AOPEP: variants seen among roughly 807,000 people sequenced by gnomAD.
The protein encoded by AOPEP is aminopeptidase O.
AOPEP carries 77 observed loss-of-function variants against 98.1 expected under a neutral mutation model. The ratio of observed to expected loss-of-function variants is 0.78; its 90% CI spans 0.65 to 0.95. The LOEUF is 0.95. Ranked by LOEUF, AOPEP falls within the 40% of genes least tolerant of loss-of-function variation. AOPEP has a pLI of 0.00. For missense variants in AOPEP, 1,024 were observed against 1,024.7 expected (o/e 1.00, Z 0.01); for synonymous variants, 346 against 365.3 (o/e 0.95, Z 0.60).
chr9:95,105,064 G>C, the AOPEP span, among the ~76,000 whole-genome samples: 1 of 152,236 alleles, frequency 6.6e-6, no homozygotes, highest in East Asian at 1.9e-4. Context: ...TCGCTGTGCT[G>C]GGGCCGGGCC....
At chr9:94,798,336 G>A (rs976496188) in intron 4 of AOPEP, among the ~76,000 whole-genome samples, 8 of 152,174 alleles carry the variant, frequency 5.3e-5, no homozygotes, top group African/African-American at 1.9e-4. Flanking sequence ...CATCATCTGA[G>A]CTAGTGCCTT....
intron 7 of AOPEP, among the ~76,000 whole-genome samples, chr9:94,940,872 A>T (rs2056939580): frequency 6.6e-6 from 1 of 152,028 alleles, no homozygotes; most frequent in Admixed American, 6.6e-5. Flanking sequence ...CCTGGGGACC[A>T]CACAAGGCAT....
At chr9:94,879,108 A>G (rs1186360574) in intron 5 of AOPEP, among the ~76,000 whole-genome samples, 1 of 152,210 alleles carries the variant, frequency 6.6e-6, no homozygotes, top group African/African-American at 2.4e-5. Context: ...AAATATCTCA[A>G]GCACTGATCT....
At chr9:95,009,465 C>CTA (rs138427903) in intron 13 of AOPEP, among the ~76,000 whole-genome samples, 2 of 152,016 alleles carry the variant, frequency 1.3e-5, no homozygotes, top group African/African-American at 4.8e-5. Flanking sequence ...CCTTCCTAGT[C>CTA]TATATATATA....
intron 5 of AOPEP, among the ~76,000 whole-genome samples, chr9:94,908,004 G>T (rs1053265637): frequency 9.2e-5 from 14 of 152,136 alleles, no homozygotes; most frequent in African/African-American, 3.4e-4. Context: ...CCTGAGAGGG[G>T]AAGTATAAGA....
intron 13 of AOPEP, among the ~76,000 whole-genome samples, chr9:95,014,993 G>A (rs2062860590): frequency 6.6e-6 from 1 of 152,128 alleles, no homozygotes; most frequent in African/African-American, 2.4e-5. Context: ...CAAACACACA[G>A]CATATCAAAG....
chr9:94,759,801 C>A lies in AOPEP; in HGVS notation c.18C>A (p.Asp6Glu), dbSNP rs1481249579. MDIQL[D>E]PARDDLPLMA... ...ACCACATCATGGACATACAGCTGGA[C>A]CCTGCCAGAGATGACCTGCCTCTCA... The change falls in exon 2 of 17, where the codon GAC becomes GAA. Residue 6 changes from aspartate (D) to glutamate (E), a missense_variant. By Grantham distance (45) the Asp-to-Glu change is conservative. Transcript: ENST00000375315. 2 of 1,613,746 alleles carry A rather than the reference C, an allele frequency of 1.2e-6. No homozygotes were observed. Among genetic ancestry groups the A allele is most frequent in the East Asian group, 4.5e-5 (2 of 44,892 alleles).
intron 6 of AOPEP, 151 bp from the exon 7 acceptor site, chr9:94,928,274 G>C (rs1250443877): frequency 3.3e-6 from 2 of 609,048 alleles, no homozygotes; most frequent in Non-Finnish European, 2.9e-6. Context: ...GCACTAAGAG[G>C]CTCCAGTGGC....
intron 5 of AOPEP, among the ~76,000 whole-genome samples, chr9:94,822,290 G>A (rs1453970109): frequency 1.3e-5 from 2 of 152,190 alleles, no homozygotes; most frequent in Admixed American, 6.5e-5. Context: ...ATTTTGTTGT[G>A]CTTTCAAATG....
chr9:95,045,140 G>T (rs1276583739), intron 13 of AOPEP, among the ~76,000 whole-genome samples: 1 of 152,246 alleles, frequency 6.6e-6, no homozygotes, highest in African/African-American at 2.4e-5. Flanking sequence ...GGCAGGATTA[G>T]ACCCTGGTCC....
At chr9:94,873,428 CTTA>C (rs1176302389) in intron 5 of AOPEP, among the ~76,000 whole-genome samples, 1 of 149,554 alleles carries the variant, frequency 6.7e-6, no homozygotes, top group Non-Finnish European at 1.5e-5. Context: ...TGGTCCTTAT[CTTA>C]TTATGTTGGG....
In AOPEP at chr9:94,956,361, C is replaced by T. The variant is rs141247248; in HGVS notation, c.1872+346C>T. On this transcript the variant is annotated intron_variant, in intron 9 of 16. Transcript: ENST00000375315. ...TGAACGCCACAGGCTCCAAGTCACC[C>T]GGCTAAACAGATCTGCATCCAGGCT... Among the ~76,000 whole-genome samples, 252 of 152,312 alleles carry T rather than the reference C, an allele frequency of 1.7e-3. 1 individual carries two copies. The highest frequency in any genetic ancestry group is 5.7e-3 in the African/African-American group (235 of 41,562).
At chr9:94,758,689 A>T (rs1452325867) in intron 1 of AOPEP, among the ~76,000 whole-genome samples, 1 of 152,212 alleles carries the variant, frequency 6.6e-6, no homozygotes, top group Non-Finnish European at 1.5e-5. Flanking sequence ...TTCTCCTGCC[A>T]TTTCTTTTTT....
intron 16 of AOPEP, among the ~76,000 whole-genome samples, chr9:95,083,286 A>T (rs1041454939): frequency 3.3e-5 from 5 of 151,700 alleles, no homozygotes; most frequent in Admixed American, 6.6e-5. Flanking sequence ...CGTAGCACAC[A>T]CACTGCATGC....
the AOPEP span, among the ~76,000 whole-genome samples, chr9:95,143,746 T>C: frequency 3.9e-5 from 6 of 152,196 alleles, no homozygotes; most frequent in Non-Finnish European, 8.8e-5. Context: ...TGTCATGCTG[T>C]ATTACTTATA....
intron 5 of AOPEP, among the ~76,000 whole-genome samples, chr9:94,893,564 A>G (rs145314310): frequency 6.6e-4 from 100 of 152,318 alleles, no homozygotes; most frequent in African/African-American, 2.2e-3. Flanking sequence ...TCATTTTGCC[A>G]TGCATCCCTA....
chr9:94,924,621 A>G (rs2054038891), intron 6 of AOPEP, among the ~76,000 whole-genome samples: 1 of 152,168 alleles, frequency 6.6e-6, no homozygotes, highest in African/African-American at 2.4e-5. Context: ...TAAAACATAA[A>G]TCCAGAGTCA....
chr9:94,848,230 G>A (rs1313830391), intron 5 of AOPEP, among the ~76,000 whole-genome samples: 3 of 152,020 alleles, frequency 2.0e-5, no homozygotes, highest in South Asian at 4.2e-4. Flanking sequence ...AGGCGGGCGG[G>A]TCACAAGGTC....
At chr9:95,017,863 T>C (rs1038981762) in intron 13 of AOPEP, among the ~76,000 whole-genome samples, 1 of 152,246 alleles carries the variant, frequency 6.6e-6, no homozygotes, top group African/African-American at 2.4e-5. Flanking sequence ...GTTTACCTTT[T>C]CTAGAAATTT....
Sources: allele counts gnomAD v4.1 joint callset (sites outside exome capture counted in the v4.1 genomes callset), GRCh38; gene constraint gnomAD v4.1.1; transcripts MANE v1.5; gene names NCBI Gene and HGNC (gene_info 2026-07-23, HGNC 2026-07-21).